The following ACAD11 variants were observed in gnomAD, a reference collection of about 807,000 sequenced individuals.
The protein encoded by ACAD11 is acyl-Coenzyme A dehydrogenase family, member 11.
ACAD11 carries 83 observed loss-of-function variants against 102.2 expected under a neutral mutation model. The observed-to-expected ratio is 0.81, with a 90% CI of 0.68 to 0.97. The LOEUF (loss-of-function observed/expected upper bound fraction) is 0.97. Among genes scored for constraint, ACAD11 ranks in the 50% least tolerant of loss-of-function variants. ACAD11 has a pLI of 0.00. For synonymous variants in ACAD11, 324 were observed against 319.8 expected, an observed-to-expected ratio of 1.01 and a Z score of -0.14; for missense variants, 901 against 951.7, an observed-to-expected ratio of 0.95 and a Z score of 0.70.
At chr3:132,590,146 T>C (rs1236837663) in intron 13 of ACAD11, among the ~76,000 whole-genome samples, 1 of 152,250 alleles carries the variant, frequency 6.6e-6, no homozygotes, top group Non-Finnish European at 1.5e-5. Flanking sequence ...TGAGTAGTGC[T>C]GCAATGAACA....
chr3:132,624,536 C>T (rs1398631116), intron 9 of ACAD11, among the ~76,000 whole-genome samples: 7 of 148,454 alleles, frequency 4.7e-5, no homozygotes, highest in Non-Finnish European at 7.4e-5. Flanking sequence ...ACCCAGGAGG[C>T]GGAGGTTGCA....
chr3:132,567,269 C>T (rs72998124), intron 17 of ACAD11, among the ~76,000 whole-genome samples: 2,732 of 152,134 alleles, frequency 0.018, 82 homozygotes, highest in African/African-American at 0.061. Flanking sequence ...TGAACTACTG[C>T]GCCAGGCCCA....
At chr3:132,597,472 C>T (rs1373491734) in intron 13 of ACAD11, 1 of 150,564 alleles carries the variant, frequency 6.6e-6, no homozygotes, top group African/African-American at 2.4e-5. Flanking sequence ...TTGAAAATAG[C>T]TGTACAGTTT....
intron 13 of ACAD11, chr3:132,601,891 C>T: frequency 3.8e-6 from 1 of 265,628 alleles, no homozygotes; most frequent in South Asian, 4.5e-5. Context: ...TGAAGGGTAC[C>T]CAGGACCACT....
chr3:132,633,431 G>A (rs1400281955), intron 5 of ACAD11, among the ~76,000 whole-genome samples: 2 of 152,080 alleles, frequency 1.3e-5, no homozygotes, highest in Non-Finnish European at 2.9e-5. Context: ...AGCCCACTTG[G>A]TCATGGTGGA....
At chr3:132,611,795 C>T (rs1434582283) in intron 11 of ACAD11, among the ~76,000 whole-genome samples, 1 of 151,980 alleles carries the variant, frequency 6.6e-6, no homozygotes, top group East Asian at 1.9e-4. Context: ...AATGGCCATA[C>T]AGCCCAAGGT....
intron 18 of ACAD11, among the ~76,000 whole-genome samples, chr3:132,560,381 C>G (rs370133129): frequency 5.3e-5 from 8 of 152,058 alleles, no homozygotes; most frequent in Non-Finnish European, 1.5e-5. Context: ...GAAACATTTA[C>G]TATGTAGCAG....
intron 3 of ACAD11, among the ~76,000 whole-genome samples, 196 bp from the exon 4 acceptor site, chr3:132,642,329 T>A (rs931075960): frequency 3.9e-5 from 6 of 152,198 alleles, no homozygotes; most frequent in East Asian, 3.8e-4. Flanking sequence ...TTAAAACACA[T>A]TTTGAATTTA....
intron 1 of ACAD11, 191 bp downstream of exon 1, chr3:132,659,412 C>T: frequency 3.0e-6 from 2 of 669,836 alleles, no homozygotes; most frequent in South Asian, 2.2e-5. Context: ...CCATTACCGC[C>T]CTCCAATTGG....
chr3:132,655,725 T>C (rs1271563051), intron 1 of ACAD11, among the ~76,000 whole-genome samples: 1 of 152,218 alleles, frequency 6.6e-6, no homozygotes. Context: ...GTCTGTCTTC[T>C]ACAAATACAA....
intron 10 of ACAD11, chr3:132,618,998 ATTT>A: frequency 2.5e-6 from 1 of 405,118 alleles, no homozygotes; most frequent in Non-Finnish European, 4.2e-6. Flanking sequence ...GCTTCCTTGG[ATTT>A]GGCTGAAAAA....
rs142581035 is a variant in ACAD11, at chr3:132,572,390, G to A, written c.2001+3382C>T. 6.1e-3 allele frequency among the ~76,000 whole-genome samples: 925 copies of A among 152,184 alleles called. 2 individuals are homozygous for A. The highest frequency in any genetic ancestry group is 0.011 in the South Asian group (54 of 4,812). On this transcript the variant is annotated intron_variant, in intron 17 of 19. Coordinates refer to ENST00000264990, the MANE Select transcript of ACAD11 (RefSeq NM_032169.5). ...TACAAAACAGTGCTCAAAGAAATCA[G>A]AGATGACATAAACAAATGGAAAAAC...
intron 1 of ACAD11, among the ~76,000 whole-genome samples, chr3:132,646,871 C>G (rs1212048455): frequency 1.3e-5 from 2 of 152,060 alleles, no homozygotes; most frequent in Non-Finnish European, 2.9e-5. Context: ...GATTCCATGT[C>G]TATGAAATGT....
chr3:132,583,998 A>G (rs1454628709), intron 13 of ACAD11, among the ~76,000 whole-genome samples: 1 of 152,152 alleles, frequency 6.6e-6, no homozygotes, highest in African/African-American at 2.4e-5. Flanking sequence ...CAATTTTGGA[A>G]TAGGTGTGGT....
intron 9 of ACAD11, chr3:132,621,222 G>A (rs1251774800): frequency 6.6e-6 from 1 of 152,164 alleles, no homozygotes; most frequent in South Asian, 2.1e-4. Context: ...GAACATTAAA[G>A]AGAAAGAAAA....
intron 11 of ACAD11, among the ~76,000 whole-genome samples, chr3:132,611,680 C>T (rs1317653880): frequency 2.6e-5 from 4 of 151,794 alleles, no homozygotes; most frequent in South Asian, 2.1e-4. Context: ...ATGTGAAGGA[C>T]CTCTTCAAGG....
intron 11 of ACAD11, among the ~76,000 whole-genome samples, chr3:132,606,737 C>T (rs569637388): frequency 3.3e-5 from 5 of 152,360 alleles, no homozygotes; most frequent in African/African-American, 9.6e-5. Flanking sequence ...CCTGCCGGCA[C>T]TGAAGGGAGC....
chr3:132,641,647 AGAG>A (rs766783938), intron 4 of ACAD11, among the ~76,000 whole-genome samples: 48 of 147,498 alleles, frequency 3.3e-4, no homozygotes, highest in South Asian at 8.9e-4. Context: ...AAGAGGAAGA[AGAG>A]GAGGAAGAAG....
At chr3:132,645,869 G>T (rs1428767171) in intron 1 of ACAD11, 1 of 152,216 alleles carries the variant, frequency 6.6e-6, no homozygotes, top group Non-Finnish European at 1.5e-5. Context: ...TTTACCATAG[G>T]AAGGTAGAGA....
Sources: allele counts gnomAD v4.1 joint callset (sites outside exome capture counted in the v4.1 genomes callset), GRCh38; gene constraint gnomAD v4.1.1; transcripts MANE v1.5; gene names NCBI Gene and HGNC (gene_info 2026-07-23, HGNC 2026-07-21).